BEND3: variants seen among roughly 807,000 people sequenced by gnomAD.
The protein encoded by BEND3 is BEN domain containing 3.
A neutral mutation model predicts 60.1 loss-of-function variants in BEND3; 13 were observed. The observed-to-expected ratio is 0.22, with a 90% CI of 0.14 to 0.34. The LOEUF is 0.34. BEND3 is among the 10% of genes least tolerant of loss of function. The pLI is 1.00. For missense variants in BEND3, 896 were observed against 1,138.1 expected (o/e 0.79, Z 3.06); for synonymous variants, 497 against 491.5 (o/e 1.01, Z -0.15).
intron 1 of BEND3, chr6:107,114,191 G>GT (rs1387381647): frequency 6.6e-6 from 1 of 152,254 alleles, no homozygotes; most frequent in Non-Finnish European, 1.5e-5. Context: ...CACAGCTCAC[G>GT]GATGAGGCAA....
intron 1 of BEND3, among the ~76,000 whole-genome samples, chr6:107,106,805 C>T (rs1775824591): frequency 6.6e-6 from 1 of 152,020 alleles, no homozygotes; most frequent in African/African-American, 2.4e-5. Context: ...ACAGGGTCTC[C>T]AGGTGTTGCC....
chr6:107,114,199 C>T (rs377195062), intron 1 of BEND3: 40 of 152,250 alleles, frequency 2.6e-4, no homozygotes, highest in African/African-American at 9.4e-4. Flanking sequence ...ACGGATGAGG[C>T]AAGGGCAAAG....
chr6:107,088,346 T>C (rs1275991341), intron 3 of BEND3, among the ~76,000 whole-genome samples: 9 of 152,048 alleles, frequency 5.9e-5, no homozygotes, highest in Middle Eastern at 6.8e-3. Flanking sequence ...CTACAAAAGG[T>C]GTTACAAAGG....
Position 107,066,831 on chromosome 6 carries a change from G to C in BEND3, c.*1873C>G, listed in dbSNP as rs1385772935. The C allele has an allele frequency of 2.0e-5, 3 of 152,562 alleles. No individual in the cohort carries two copies. The highest frequency in any genetic ancestry group is 4.1e-4 in the South Asian group (2 of 4,828). 9.5% of individuals were successfully genotyped at this position (152,562 alleles called of 1,614,324 possible). On this transcript the variant is annotated 3_prime_UTR_variant, in exon 4 of 4. Coordinates refer to ENST00000369042, the MANE Select transcript of BEND3 (RefSeq NM_001367314.1). ...AGGCATAGAGAAGGGCCCAAGCGAG[G>C]GGGGAAAGTGAGTCTCCTGGCTGCT... is the stretch of plus-strand genomic sequence containing the variant.
Position 107,087,792 on chromosome 6 carries a change from C to CTT in BEND3, c.240+10757_240+10758dup, listed in dbSNP as rs34765639. 5.0e-3 allele frequency among the ~76,000 whole-genome samples: 461 copies of CTT among 92,370 alleles called. 6 individuals are homozygous for CTT. Among genetic ancestry groups the CTT allele is most frequent in the Non-Finnish European group, 8.0e-3 (393 of 48,878 alleles). The allele number at this position is 92,370 out of a possible 152,430, so 60.6% of individuals were successfully genotyped here. On this transcript the variant is annotated intron_variant, in intron 3 of 3. Coordinates refer to ENST00000369042, the MANE Select transcript of BEND3 (RefSeq NM_001367314.1). ...GTCAATGGACACACAAATGAAAATACTTTTTTTTTTTTTTTTTTTTTTAGA... is the reference window on the plus strand; with the variant it reads ...GTCAATGGACACACAAATGAAAATACTTTTTTTTTTTTTTTTTTTTTTTTAGA...
chr6:107,098,439 C>A, intron 3 of BEND3, 112 bp downstream of exon 3: 5 of 1,096,462 alleles, frequency 4.6e-6, no homozygotes, highest in Non-Finnish European at 6.6e-6. Flanking sequence ...TGAAACCTTC[C>A]CATGCCCAAG....
intron 1 of BEND3, chr6:107,114,079 G>A (rs1337326214): frequency 6.6e-6 from 1 of 152,232 alleles, no homozygotes; most frequent in African/African-American, 2.4e-5. Flanking sequence ...GACCACCTGA[G>A]CAATCAATAA....
At chr6:107,078,960 C>T (rs1775161948) in intron 3 of BEND3, among the ~76,000 whole-genome samples, 2 of 151,976 alleles carry the variant, frequency 1.3e-5, no homozygotes, top group Non-Finnish European at 2.9e-5. Context: ...TTTTCCAAGA[C>T]CACCCTGGCC....
In BEND3 at chr6:107,067,324, T is replaced by C. The variant is rs1774853560; in HGVS notation, c.*1380A>G. 1 of 152,260 alleles carries C rather than the reference T, an allele frequency of 6.6e-6. No homozygotes were observed. Among genetic ancestry groups the C allele is most frequent in the Non-Finnish European group, 1.5e-5 (1 of 68,044 alleles). The allele number at this position is 152,260 out of a possible 1,614,324, so 9.4% of individuals were successfully genotyped here. A position where few individuals can be genotyped will look rare whatever the true frequency, so the allele number is the denominator to read the frequency against. On this transcript the variant is annotated 3_prime_UTR_variant, in exon 4 of 4. Transcript: ENST00000369042. ...ACACTGTTTGCATTCGACTGTTTCC[T>C]TTCCCTCTTAAGCATTTGGCCCCCA...
At chr6:107,113,382 G>A (rs1770162651) in intron 1 of BEND3, among the ~76,000 whole-genome samples, 1 of 141,850 alleles carries the variant, frequency 7.0e-6, no homozygotes, top group South Asian at 2.3e-4. Flanking sequence ...ACGTTGCAGT[G>A]AGCAGAGATC....
intron 1 of BEND3, among the ~76,000 whole-genome samples, chr6:107,111,687 A>G (rs1004434359): frequency 6.6e-6 from 1 of 152,094 alleles, no homozygotes; most frequent in African/African-American, 2.4e-5. Flanking sequence ...CTTAACACCA[A>G]AATTAAGCAC....
chr6:107,077,505 G>A (rs1775124573), intron 3 of BEND3, among the ~76,000 whole-genome samples: 1 of 152,140 alleles, frequency 6.6e-6, no homozygotes, highest in Non-Finnish European at 1.5e-5. Flanking sequence ...CTCTTACTCT[G>A]TGGGTCATCC....
At chr6:107,104,527 CATA>C (rs1775773650) in intron 1 of BEND3, among the ~76,000 whole-genome samples, 2 of 152,000 alleles carry the variant, frequency 1.3e-5, no homozygotes, top group Admixed American at 6.6e-5. Context: ...TAAAAAATAG[CATA>C]ATATTTGCAT....
chr6:107,103,201 C>T (rs1775737070), intron 1 of BEND3, among the ~76,000 whole-genome samples: 1 of 152,170 alleles, frequency 6.6e-6, no homozygotes, highest in Non-Finnish European at 1.5e-5. Flanking sequence ...CCTGCATCCC[C>T]AGCTGGCGCA....
intron 2 of BEND3, 138 bp downstream of exon 2, chr6:107,099,111 G>A (rs1775651165): frequency 1.4e-6 from 1 of 692,152 alleles, no homozygotes; most frequent in South Asian, 1.8e-5. Flanking sequence ...GGAGGGGGAT[G>A]GGAACCGGGG....
chr6:107,105,408 A>C (rs1438974491), intron 1 of BEND3, among the ~76,000 whole-genome samples: 1 of 148,772 alleles, frequency 6.7e-6, no homozygotes, highest in Non-Finnish European at 1.5e-5. Flanking sequence ...CTGGGATGGG[A>C]GATGACATGG....
rs1774889467 is a variant in BEND3, at chr6:107,068,874, C to A, written c.2317G>T (p.Asp773Tyr). The change falls in exon 4 of 4, where the codon GAC becomes TAC. Residue 773 changes from aspartate to tyrosine, a missense_variant. Transcript: ENST00000369042. This position sits in a 1 kb window ranked among gnomAD's most constrained non-coding sequence, Gnocchi z 5.8. Reference sequence around the variant, plus strand: ...CGGATGAGCCGCAGCCGCGTGGGGTCCAGTTGCTTCTTGTTGCAAGCCCCG... The same window carrying A: ...CGGATGAGCCGCAGCCGCGTGGGGTACAGTTGCTTCTTGTTGCAAGCCCCG... ...HSGACNKKQL[D>Y]PTRLRLIRHY... 6.2e-7 allele frequency: 1 copy of A among 1,613,914 alleles called. No individual in the cohort carries two copies. Among genetic ancestry groups the A allele is most frequent in the Admixed American group, 1.7e-5 (1 of 60,004 alleles).
chr6:107,107,109 G>A (rs1775833081), intron 1 of BEND3, among the ~76,000 whole-genome samples: 1 of 151,644 alleles, frequency 6.6e-6, no homozygotes, highest in Admixed American at 6.6e-5. Flanking sequence ...GCTAATTTTT[G>A]TATTTTTAGT....
intron 1 of BEND3, chr6:107,106,079 C>A (rs1015768223): frequency 6.6e-6 from 1 of 152,236 alleles, no homozygotes; most frequent in Non-Finnish European, 1.5e-5. Flanking sequence ...AACCTTACTT[C>A]AATCTTTTCA....
Sources: gnomAD v4.1 joint callset for allele counts (sites outside exome capture counted in the v4.1 genomes callset) on GRCh38, gnomAD v4.1.1 for gene constraint, Gnocchi (gnomAD v3.1) non-coding constraint, MANE v1.5 for transcripts, NCBI Gene and HGNC (gene_info 2026-07-23, HGNC 2026-07-21) for gene names.